The following ZNF841 variants were observed in gnomAD, a reference collection of about 807,000 sequenced individuals.
ZNF841 encodes zinc finger protein 841, also known as TCONS_00006091.
In ZNF841, 11 loss-of-function variants were observed where a neutral mutation model predicts 13.0. The observed-to-expected ratio is 0.85, with a 90% CI of 0.53 to 1.40. The LOEUF (loss-of-function observed/expected upper bound fraction) is 1.40, where lower values mean the gene tolerates loss of function less well. Among genes scored for constraint, ZNF841 ranks in the 40% most tolerant of loss-of-function variants. The pLI is 0.00. For synonymous variants in ZNF841, 369 were observed against 381.6 expected (o/e 0.97, Z 0.38); for missense variants, 1,068 against 1,139.5 (o/e 0.94, Z 0.90).
chr19:52,063,219 T>C (rs1177945704), downstream of ZNF841, among the ~76,000 whole-genome samples: 4 of 152,082 alleles, frequency 2.6e-5, no homozygotes, highest in Non-Finnish European at 5.9e-5. Flanking sequence ...ATTTGCAAGG[T>C]TTCTATCCAG....
rs1699222836 is a variant in ZNF841, at chr19:52,066,957, T to C, written c.925A>G (p.Ile309Val). 1 of 1,614,078 alleles carries C rather than the reference T, an allele frequency of 6.2e-7. No individual in the cohort carries two copies. The highest frequency in any genetic ancestry group is 1.3e-5 in the African/African-American group (1 of 74,940). ...HRGSLLTVHQIVHTRGKPYQC... is the reference protein window; with the variant it reads ...HRGSLLTVHQVVHTRGKPYQC... Reference sequence around the variant, plus strand: ...TATGGTTTCCCTCTTGTATGGACTATCTGATGTACTGTTAGTAGTGAGCCC... The same window carrying C: ...TATGGTTTCCCTCTTGTATGGACTACCTGATGTACTGTTAGTAGTGAGCCC... Residue 309 changes from isoleucine (I) to valine (V), a missense_variant, in exon 7 of 7, where the codon ATA (isoleucine) becomes GTA (valine). Coordinates refer to ENST00000594440, the MANE Select transcript of ZNF841 (RefSeq NM_001136499.2).
chr19:52,092,671 TATCTTTAAGAGAC>T (rs768847077), intron 2 of ZNF841, among the ~76,000 whole-genome samples: 4 of 152,154 alleles, frequency 2.6e-5, no homozygotes, highest in Non-Finnish European at 4.4e-5. Flanking sequence ...ATGAAACCAG[TATCTTTAAGAGAC>T]ATCTAGGCCA....
In ZNF841 at chr19:52,066,791, T is replaced by C; in HGVS notation, c.1091A>G (p.Gln364Arg). 6.2e-7 allele frequency: 1 copy of C among 1,614,080 alleles called. No individual in the cohort carries two copies. Residue 364 changes from glutamine to arginine, a missense_variant, in exon 7 of 7, where the codon CAG (glutamine) becomes CGG (arginine). Transcript: ENST00000594440. ...AGGTTTCTCTCCAGTATGAATTCTC[T>C]GATGAACTGCAAGGTGGGAACTTTT... Reference protein sequence around the residue: ...FSKSSHLAVHQRIHTGEKPYK... With the variant: ...FSKSSHLAVHRRIHTGEKPYK...
rs1165546122 is a variant in ZNF841 at position 52,064,587 on chromosome 19, G to C, written c.*520C>G. On this transcript the variant is annotated 3_prime_UTR_variant, in exon 7 of 7. Coordinates refer to ENST00000594440, the MANE Select transcript of ZNF841 (RefSeq NM_001136499.2). ...TTAAAATGATGGTGGGAGGTGAAGG[G>C]CATGTCACATGGCCAGAAGAACAAA... 1 of 153,672 alleles carries C rather than the reference G, an allele frequency of 6.5e-6. No individual in the cohort carries two copies. The highest frequency in any genetic ancestry group is 1.5e-5 in the Non-Finnish European group (1 of 68,118). The allele number at this position is 153,672 out of a possible 1,614,324, so 9.5% of individuals were successfully genotyped here.
intron 2 of ZNF841, among the ~76,000 whole-genome samples, chr19:52,092,745 C>CA (rs1265493670): frequency 1.3e-5 from 2 of 152,202 alleles, no homozygotes; most frequent in African/African-American, 2.4e-5. Flanking sequence ...GCTGAGGCGA[C>CA]AAGATCACTT....
At chr19:52,064,352 C>CAAAAAAAAAAAAAAAAA (rs1568532352), downstream of ZNF841, 8 of 48,968 alleles carry the variant, frequency 1.6e-4, no homozygotes, top group South Asian at 5.7e-4. Context: ...GACTCCGTCT[C>CAAAAAAAAAAAAAAAAA]CAAAAAAAAA....
chr19:52,060,985 G>A (rs901392675), downstream of ZNF841, among the ~76,000 whole-genome samples: 1 of 152,214 alleles, frequency 6.6e-6, no homozygotes, highest in Non-Finnish European at 1.5e-5. Context: ...TTAAAGGGTT[G>A]TTTTAAGTGA....
chr19:52,078,526 T>C (rs374129941), intron 4 of ZNF841, among the ~76,000 whole-genome samples: 326 of 151,898 alleles, frequency 2.1e-3, no homozygotes, highest in African/African-American at 7.2e-3. Flanking sequence ...GGTGAAACCC[T>C]GTCTCTACTA....
At position 52,065,434 on chromosome 19, in the gene ZNF841, A is replaced by G. The variant is rs778613467; in HGVS notation, c.2448T>C (p.Thr816=). The part of the protein sequence containing the change: ...SILLNHQMMH[T]GEKPYKCNEC... ...CATTACATTTATAAGGTTTCTCTCC[A>G]GTATGCATCATCTGATGATTAAGCA... is the stretch of plus-strand genomic sequence containing the variant. Residue 816 remains threonine, a synonymous_variant, in exon 7 of 7, where the codon ACT becomes ACC. Transcript: ENST00000594440. The G allele has an allele frequency of 1.8e-5, 29 of 1,613,850 alleles. No individual in the cohort carries two copies. Among genetic ancestry groups the G allele is most frequent in the Non-Finnish European group, 2.3e-5 (27 of 1,179,960 alleles).
At position 52,085,044 on chromosome 19, in the gene ZNF841, C is replaced by G. The variant is rs531496437; in HGVS notation, c.-77-166G>C. ...ACAAAGACCAAGTAAGTTTTTCACC[C>G]TTTTCTTCAGAACTTGTTCCCCTCC... is the stretch of plus-strand genomic sequence containing the variant. On this transcript the variant is annotated intron_variant, in intron 3 of 6. Transcript: ENST00000594440. Among the ~76,000 whole-genome samples the G allele has an allele frequency of 1.6e-3, 249 of 152,184 alleles. 2 individuals are homozygous for G. The highest frequency in any genetic ancestry group is 5.8e-3 in the African/African-American group (240 of 41,524).
At chr19:52,058,940 C>T in the ZNF841 span, 1 of 153,024 alleles carries the variant, frequency 6.5e-6, no homozygotes, top group East Asian at 2.0e-4. Context: ...TATTATTATA[C>T]ACTTTCCTAG....
chr19:52,085,607 G>A (rs7248935), intron 3 of ZNF841, among the ~76,000 whole-genome samples: 31,530 of 152,114 alleles, frequency 0.21, 4,514 homozygotes, highest in African/African-American at 0.39. Flanking sequence ...TGGAGAAGGT[G>A]ATATCAGAAC....
At chr19:52,089,090 A>G (rs886459005) in intron 2 of ZNF841, 88 bp from the exon 3 acceptor site, 4 of 152,196 alleles carry the variant, frequency 2.6e-5, no homozygotes, top group African/African-American at 7.2e-5. Context: ...TACCTTTTTT[A>G]TCTCATATTG....
chr19:52,084,750 G>A (rs776265114), intron 4 of ZNF841, 37 bp downstream of exon 4: 2 of 1,609,622 alleles, frequency 1.2e-6, no homozygotes, highest in Non-Finnish European at 1.7e-6. Context: ...TTCAAAAAGG[G>A]AGGAGACAGA....
rs1260280116 is a variant in ZNF841, at chr19:52,065,005, A to C, written c.*102T>G. ...AGAAAGCCACCCCCATCATCCAATC[A>C]CCTCCCACTAGGCTCCACCTCCAAT... On this transcript the variant is annotated 3_prime_UTR_variant, in exon 7 of 7. Coordinates refer to ENST00000594440, the MANE Select transcript of ZNF841 (RefSeq NM_001136499.2). 4 of 1,052,914 alleles carry C rather than the reference A, an allele frequency of 3.8e-6. No homozygotes were observed. In the Admixed American group the frequency reaches 1.3e-4, roughly 35 times the overall value. 65.2% of individuals were successfully genotyped at this position (1,052,914 alleles called of 1,614,324 possible).
intron 6 of ZNF841, among the ~76,000 whole-genome samples, chr19:52,071,181 T>C (rs534199193): frequency 6.6e-6 from 1 of 152,234 alleles, no homozygotes; most frequent in East Asian, 1.9e-4. Flanking sequence ...GGTGTGATGA[T>C]ATGGGAAGAA....
At chr19:52,085,647 C>T (rs1568546955) in intron 3 of ZNF841, among the ~76,000 whole-genome samples, 1 of 152,170 alleles carries the variant, frequency 6.6e-6, no homozygotes, top group Non-Finnish European at 1.5e-5. Context: ...GATGTTTGCA[C>T]CTGCAGCTGA....
chr19:52,059,390 T>TACACACACACACACACAC, the ZNF841 span, among the ~76,000 whole-genome samples: 5 of 96,354 alleles, frequency 5.2e-5, no homozygotes, highest in African/African-American at 2.1e-4. Context: ...TATATATATA[T>TACACACACACACACACAC]ACACACACAC....
chr19:52,077,054 C>G lies in ZNF841; in HGVS notation c.46G>C (p.Glu16Gln), dbSNP rs1471191515. The G allele has an allele frequency of 6.2e-7, 1 of 1,612,592 alleles. No homozygotes were observed. Among genetic ancestry groups the G allele is most frequent in the South Asian group, 1.1e-5 (1 of 91,002 alleles). ...GSLTFRDVAV[E>Q]FSQEEWKCLD... ...CATTTCCACTCCTCCTGAGAGAATT[C>G]TACAGCCACATCCCTGAATGTCAAA... is the stretch of plus-strand genomic sequence containing the variant. The change falls in exon 5 of 7, where the codon GAA becomes CAA. Residue 16 changes from glutamate (E) to glutamine (Q), a missense_variant. Glu to Gln is a conservative substitution (Grantham distance 29). Transcript: ENST00000594440.
Sources: allele counts gnomAD v4.1 joint callset (sites outside exome capture counted in the v4.1 genomes callset), GRCh38; gene constraint gnomAD v4.1.1; transcripts MANE v1.5; gene names NCBI Gene and HGNC (gene_info 2026-07-23, HGNC 2026-07-21).